The following ADAM23 variants were observed in gnomAD, a reference collection of about 807,000 sequenced individuals.
ADAM23 encodes ADAM metallopeptidase domain 23.
A neutral mutation model predicts 120.1 loss-of-function variants in ADAM23; 33 were observed. The ratio of observed to expected loss-of-function variants is 0.27; its 90% confidence interval spans 0.21 to 0.37. The LOEUF is 0.37. Among genes scored for constraint, ADAM23 ranks in the 10% least tolerant of loss-of-function variants. The pLI is 1.00. For missense variants in ADAM23, 862 were observed against 1,058.2 expected, an observed-to-expected ratio of 0.81 and a Z score of 2.57; for synonymous variants, 367 against 375.2, an observed-to-expected ratio of 0.98 and a Z score of 0.25.
At chr2:206,456,760 G>T (rs1453216943) in intron 2 of ADAM23, among the ~76,000 whole-genome samples, 9 of 152,114 alleles carry the variant, frequency 5.9e-5, no homozygotes, top group African/African-American at 2.2e-4. Context: ...TTTGCCCTCA[G>T]TGGGGCTAAA....
chr2:206,482,485 C>T (rs1357708941), intron 3 of ADAM23, among the ~76,000 whole-genome samples: 2 of 152,178 alleles, frequency 1.3e-5, no homozygotes, highest in Non-Finnish European at 2.9e-5. Context: ...GAGATGATCG[C>T]AACCAACCCT....
chr2:206,573,146 C>A lies in ADAM23; in HGVS notation c.1688C>A (p.Ala563Asp), dbSNP rs751652724. 1.2e-6 allele frequency: 2 copies of A among 1,613,988 alleles called. No individual in the cohort carries two copies. The highest frequency in any genetic ancestry group is 1.7e-6 in the Non-Finnish European group (2 of 1,179,888). Residue 563 changes from alanine (A) to aspartate (D), a missense_variant, in exon 18 of 26, where the codon GCT (alanine) becomes GAT (aspartate). Coordinates refer to ENST00000264377, the MANE Select transcript of ADAM23 (RefSeq NM_003812.4). ...FQPRGYECRD[A>D]VNECDITEYC... The stretch of plus-strand genomic sequence containing the variant: ...CCACGAGGGTATGAATGCCGGGATG[C>A]TGTGAACGAGTGTGATATTACTGAA...
At chr2:206,566,281 A>C (rs930870162) in intron 14 of ADAM23, among the ~76,000 whole-genome samples, 1 of 151,640 alleles carries the variant, frequency 6.6e-6, no homozygotes, top group Admixed American at 6.6e-5. Flanking sequence ...TCAAGAATAC[A>C]TTTCTATATA....
chr2:206,484,279 T>C (rs949329947), intron 3 of ADAM23, among the ~76,000 whole-genome samples: 10 of 152,020 alleles, frequency 6.6e-5, no homozygotes, highest in African/African-American at 2.4e-4. Context: ...GGAGGTTGGG[T>C]TGGGGCTTGA....
At chr2:206,530,836 C>T in intron 3 of ADAM23, 49 bp from the exon 4 acceptor site, 1 of 1,551,276 alleles carries the variant, frequency 6.4e-7, no homozygotes, top group Non-Finnish European at 8.9e-7. Context: ...GTTTTTAAAC[C>T]TCCAAGTGTC....
intron 25 of ADAM23, among the ~76,000 whole-genome samples, chr2:206,610,624 T>C (rs566265190): frequency 6.6e-6 from 1 of 152,348 alleles, no homozygotes; most frequent in East Asian, 1.9e-4. Context: ...ACCTGACAGG[T>C]AGGCCTGGTG....
intron 3 of ADAM23, among the ~76,000 whole-genome samples, chr2:206,508,391 C>T (rs1696546509): frequency 6.6e-6 from 1 of 152,122 alleles, no homozygotes; most frequent in Non-Finnish European, 1.5e-5. Flanking sequence ...CGTGGTGGCT[C>T]TCACCTGTAA....
At position 206,609,893 on chromosome 2, in the gene ADAM23, A is replaced by G. The variant is rs754338586; in HGVS notation, c.2360-17A>G. Reference sequence around the variant, plus strand: ...GGTTGGTTCATATGACTCTCTTCCCATGATCCTTTGTCACAGGTCCTAGTG... The same window carrying G: ...GGTTGGTTCATATGACTCTCTTCCCGTGATCCTTTGTCACAGGTCCTAGTG... On this transcript the variant is annotated splice_polypyrimidine_tract_variant and intron_variant, in intron 24 of 25. Transcript: ENST00000264377. 2 of 1,592,072 alleles carry G rather than the reference A, an allele frequency of 1.3e-6. No individual in the cohort carries two copies. The highest frequency in any genetic ancestry group is 2.3e-5 in the South Asian group (2 of 86,516).
chr2:206,603,308 CA>C (rs1698673250), intron 24 of ADAM23, among the ~76,000 whole-genome samples: 1 of 152,150 alleles, frequency 6.6e-6, no homozygotes, highest in Non-Finnish European at 1.5e-5. Context: ...TAATTTATGT[CA>C]AGGTGATGCA....
intron 25 of ADAM23, among the ~76,000 whole-genome samples, chr2:206,615,057 A>G (rs1342569028): frequency 6.6e-6 from 1 of 152,196 alleles, no homozygotes; most frequent in Non-Finnish European, 1.5e-5. Flanking sequence ...CTCAGCATAG[A>G]ATGATAAGAA....
intron 7 of ADAM23, 79 bp downstream of exon 7, chr2:206,547,580 C>G (rs1181609470): frequency 3.2e-6 from 4 of 1,254,920 alleles, no homozygotes; most frequent in Non-Finnish European, 4.5e-6. Flanking sequence ...GATATGCAGG[C>G]TTGTTGGAAG....
chr2:206,568,700 G>A (rs972470731), intron 15 of ADAM23, among the ~76,000 whole-genome samples: 1 of 152,162 alleles, frequency 6.6e-6, no homozygotes, highest in African/African-American at 2.4e-5. Context: ...TTCTAACATG[G>A]CAAATTTCGT....
chr2:206,469,619 T>C (rs1465485299), intron 2 of ADAM23, among the ~76,000 whole-genome samples: 1 of 152,184 alleles, frequency 6.6e-6, no homozygotes, highest in Non-Finnish European at 1.5e-5. Flanking sequence ...CATTCCTCAC[T>C]CAAAATTCTC....
At chr2:206,464,826 A>T (rs1178614727) in intron 2 of ADAM23, among the ~76,000 whole-genome samples, 1 of 152,080 alleles carries the variant, frequency 6.6e-6, no homozygotes, top group Non-Finnish European at 1.5e-5. Flanking sequence ...CAAATGTACC[A>T]CAGGGCACAG....
At position 206,620,998 on chromosome 2, in the gene ADAM23, G is replaced by A. The variant is rs1287227107; in HGVS notation, c.*3371G>A. On this transcript the variant is annotated 3_prime_UTR_variant, in exon 26 of 26. Transcript: ENST00000264377. ...TTTCAAGTGCTTTGTAATTTTTTAA[G>A]TGCACTACCTGAAATTTTGTTTGAA... 1.3e-5 allele frequency: 2 copies of A among 152,114 alleles called. No homozygotes were observed. The allele number at this position is 152,114 out of a possible 1,614,324, so 9.4% of individuals were successfully genotyped here.
At chr2:206,457,184 C>T (rs1377054661) in intron 2 of ADAM23, among the ~76,000 whole-genome samples, 2 of 152,168 alleles carry the variant, frequency 1.3e-5, no homozygotes, top group Non-Finnish European at 2.9e-5. Flanking sequence ...TATTGCCTTT[C>T]TATGGAACCT....
chr2:206,582,009 C>T (rs1447038490), intron 18 of ADAM23, among the ~76,000 whole-genome samples: 2 of 152,164 alleles, frequency 1.3e-5, no homozygotes, highest in African/African-American at 4.8e-5. Flanking sequence ...TCCCAAGTAG[C>T]TGGGATTACA....
chr2:206,459,093 G>T (rs1357488426), intron 2 of ADAM23, among the ~76,000 whole-genome samples: 10 of 152,182 alleles, frequency 6.6e-5, no homozygotes, highest in Admixed American at 6.5e-4. Context: ...AAAATTATGA[G>T]AGTTAGTAAA....
chr2:206,596,571 T>C (rs1033583428), intron 24 of ADAM23, among the ~76,000 whole-genome samples: 1 of 152,238 alleles, frequency 6.6e-6, no homozygotes, highest in African/African-American at 2.4e-5. Context: ...AAGGAAGTTG[T>C]CACCTTACAA....
Sources: allele counts gnomAD v4.1 joint callset (sites outside exome capture counted in the v4.1 genomes callset), GRCh38; gene constraint gnomAD v4.1.1; transcripts MANE v1.5; gene names NCBI Gene and HGNC (gene_info 2026-07-23, HGNC 2026-07-21).